Variants in PIK3R6 observed in about 807,000 individuals in gnomAD.
PIK3R6 encodes the protein phosphoinositide-3-kinase regulatory subunit 6.
A neutral mutation model predicts 84.9 loss-of-function variants in PIK3R6; 91 were observed. That is an observed-to-expected ratio of 1.07 (90% CI 0.90 to 1.28). The LOEUF (loss-of-function observed/expected upper bound fraction) is 1.28, where lower values mean the gene tolerates loss of function less well. PIK3R6 is among the 50% of genes most tolerant of loss of function. The pLI is 0.00. For missense variants in PIK3R6, 996 were observed against 985.1 expected, an observed-to-expected ratio of 1.01 and a Z score of -0.15; for synonymous variants, 416 against 411.4, an observed-to-expected ratio of 1.01 and a Z score of -0.13.
chr17:8,851,000 C>A (rs1176719825), intron 1 of PIK3R6, among the ~76,000 whole-genome samples: 2 of 152,044 alleles, frequency 1.3e-5, no homozygotes, highest in East Asian at 3.9e-4. Context: ...TAAGTTTTTT[C>A]AAACCTACAA....
chr17:8,866,017 G>A (rs554341934), intron 1 of PIK3R6, among the ~76,000 whole-genome samples: 2 of 152,152 alleles, frequency 1.3e-5, no homozygotes, highest in South Asian at 2.1e-4. Context: ...AGGCGCTTTC[G>A]TGGAGACAGT....
chr17:8,820,056 C>G (rs1251074248), intron 17 of PIK3R6, among the ~76,000 whole-genome samples: 1 of 150,790 alleles, frequency 6.6e-6, no homozygotes, highest in Non-Finnish European at 1.5e-5. Context: ...AAACAATTCT[C>G]CTGCCTCAGC....
intron 18 of PIK3R6, among the ~76,000 whole-genome samples, chr17:8,808,905 A>G (rs566910496): frequency 1.3e-5 from 2 of 152,330 alleles, no homozygotes; most frequent in East Asian, 3.9e-4. Context: ...TAGGGTATTT[A>G]AAGACTCAGA....
At chr17:8,845,179 A>G (rs947031986) in intron 2 of PIK3R6, among the ~76,000 whole-genome samples, 1 of 151,962 alleles carries the variant, frequency 6.6e-6, no homozygotes, top group Non-Finnish European at 1.5e-5. Flanking sequence ...TTTTGGGGGG[A>G]TATATACCCA....
chr17:8,814,175 C>G (rs2087450821), intron 18 of PIK3R6, among the ~76,000 whole-genome samples: 1 of 145,050 alleles, frequency 6.9e-6, no homozygotes. Context: ...CACCATTGAC[C>G]CAGGTTTTTA....
Position 8,803,876 on chromosome 17 carries a change from T to C in PIK3R6, c.2108+165A>G, listed in dbSNP as rs1338170547. The C allele has an allele frequency of 1.6e-6, 1 of 634,858 alleles. No individual in the cohort carries two copies. The highest frequency in any genetic ancestry group is 2.7e-5 in the East Asian group (1 of 36,576). 39.3% of individuals were successfully genotyped at this position (634,858 alleles called of 1,614,324 possible). A position where few individuals can be genotyped will look rare whatever the true frequency, so the allele number is the denominator to read the frequency against. ...GCCTCGACTTCCTGGATCCAAAGCATAGGGCAGTGGCCTCTGTCCATCCTC... is the reference window on the plus strand; with the variant it reads ...GCCTCGACTTCCTGGATCCAAAGCACAGGGCAGTGGCCTCTGTCCATCCTC... On this transcript the variant is annotated intron_variant, in intron 19 of 19. Transcript: ENST00000619866. This position sits in a 1 kb window ranked among gnomAD's most constrained non-coding sequence, Gnocchi z 5.0.
intron 2 of PIK3R6, among the ~76,000 whole-genome samples, chr17:8,848,605 A>G (rs1217978292): frequency 6.6e-6 from 1 of 151,416 alleles, no homozygotes; most frequent in African/African-American, 2.5e-5. Flanking sequence ...AAAATATGGT[A>G]CTCTCTTATG....
chr17:8,841,042 A>G (rs2088662653), intron 2 of PIK3R6, among the ~76,000 whole-genome samples: 1 of 152,066 alleles, frequency 6.6e-6, no homozygotes, highest in African/African-American at 2.4e-5. Flanking sequence ...ATGAGCCACC[A>G]CGCCAAGCCT....
At chr17:8,854,448 C>T (rs572024222) in intron 1 of PIK3R6, among the ~76,000 whole-genome samples, 13 of 152,214 alleles carry the variant, frequency 8.5e-5, no homozygotes, top group South Asian at 2.1e-4. Context: ...CGCTCAGCTT[C>T]GCACTCCTTA....
intron 9 of PIK3R6, 54 bp downstream of exon 9, chr17:8,832,835 G>A (rs968654794): frequency 5.6e-6 from 9 of 1,609,182 alleles, no homozygotes; most frequent in African/African-American, 4.0e-5. Context: ...CTGCTGTGCA[G>A]TGAGCTGCCC....
Position 8,837,836 on chromosome 17 carries a change from G to A in PIK3R6, c.225C>T (p.Pro75=), listed in dbSNP as rs2151272609. 1.2e-6 allele frequency: 2 copies of A among 1,613,998 alleles called. No individual in the cohort carries two copies. Among genetic ancestry groups the A allele is most frequent in the Non-Finnish European group, 1.7e-6 (2 of 1,179,866 alleles). ...GCACGTACATTACAGTGTGCAGCAA[G>A]GGAATGATGACATGCCGGAGGTCCT... is the stretch of plus-strand genomic sequence containing the variant. ...ESQDLRHVII[P]LLHTVMYVLT... The change falls in exon 5 of 20, where the codon CCC becomes CCT. Residue 75 remains proline (P), a synonymous_variant. Coordinates refer to ENST00000619866, the MANE Select transcript of PIK3R6 (RefSeq NM_001010855.4).
chr17:8,850,757 T>C lies in PIK3R6; in HGVS notation c.-91-872A>G, dbSNP rs183860059. ...CTGGGAAAGCTAATCTAAAAAGAGA[T>C]AACGAAGAGACAATATTAGAAATGA... On this transcript the variant is annotated intron_variant, in intron 1 of 19. Coordinates refer to ENST00000619866, the MANE Select transcript of PIK3R6 (RefSeq NM_001010855.4). Among the ~76,000 whole-genome samples the C allele has an allele frequency of 2.6e-4, 39 of 152,264 alleles. No homozygotes were observed. The East Asian group carries it at 7.3e-3, about 29-fold the overall frequency.
At chr17:8,819,722 A>T (rs895447946) in intron 17 of PIK3R6, among the ~76,000 whole-genome samples, 1 of 148,016 alleles carries the variant, frequency 6.8e-6, no homozygotes, top group African/African-American at 2.5e-5. Context: ...ATATACATAT[A>T]TACACACACA....
rs562415234 is a variant in PIK3R6 at position 8,809,512 on chromosome 17, G to T, written c.1996-5359C>A. 5.3e-5 allele frequency among the ~76,000 whole-genome samples: 8 copies of T among 152,314 alleles called. No homozygotes were observed. The South Asian group carries it at 8.3e-4, about 16-fold the overall frequency. On this transcript the variant is annotated intron_variant, in intron 18 of 19. Transcript: ENST00000619866. The stretch of plus-strand genomic sequence containing the variant: ...GATATAGGCTCAGCTGGGCACAGTG[G>T]CTCATGCCTGTAATCCCAGCACTTT...
intron 7 of PIK3R6, 90 bp downstream of exon 7, chr17:8,836,457 C>T: frequency 7.1e-7 from 1 of 1,399,018 alleles, no homozygotes; most frequent in East Asian, 2.3e-5. Context: ...TTAATCCAGC[C>T]TCCTCTTTTG....
chr17:8,836,497 C>G, intron 7 of PIK3R6, 50 bp downstream of exon 7: 1 of 1,600,420 alleles, frequency 6.2e-7, no homozygotes. Context: ...TCACTAAAGC[C>G]ACAACAGTTT....
chr17:8,857,181 G>C (rs928766240), intron 1 of PIK3R6, among the ~76,000 whole-genome samples: 4 of 152,140 alleles, frequency 2.6e-5, no homozygotes, highest in African/African-American at 9.7e-5. Context: ...TTCTTGGCTA[G>C]TCATTAGAAT....
chr17:8,827,395 A>C, intron 12 of PIK3R6, 101 bp from the exon 13 acceptor site: 1 of 1,346,092 alleles, frequency 7.4e-7, no homozygotes, highest in Admixed American at 2.6e-5. Context: ...AAGTCATTTA[A>C]CCTCTTGGGG....
chr17:8,821,853 GTCGC>G lies in PIK3R6; in HGVS notation c.1868_1871del (p.Ser623ThrfsTer23). 6.3e-7 allele frequency: 1 copy of G among 1,594,022 alleles called. No homozygotes were observed. Among genetic ancestry groups the G allele is most frequent in the Non-Finnish European group, 8.5e-7 (1 of 1,170,068 alleles). On this transcript the variant is annotated frameshift_variant, in exon 17 of 20. Transcript: ENST00000619866. LOFTEE classifies it high-confidence loss of function. ...GCATTCCCCATTCCTCACCTTCTGTGTCGCTGGCTGGAATGGCCTTCAGGATCAG... is the reference window on the plus strand; with the variant it reads ...GCATTCCCCATTCCTCACCTTCTGTGTGGCTGGAATGGCCTTCAGGATCAG...
Sources: gnomAD v4.1 joint callset for allele counts (sites outside exome capture counted in the v4.1 genomes callset) on GRCh38, gnomAD v4.1.1 for gene constraint, Gnocchi (gnomAD v3.1) non-coding constraint, MANE v1.5 for transcripts, NCBI Gene and HGNC (gene_info 2026-07-23, HGNC 2026-07-21) for gene names.